Variants in WSCD1 observed in about 807,000 individuals in gnomAD.
WSCD1 encodes sialate:O-sulfotransferase 1.
WSCD1 carries 41 observed loss-of-function variants against 60.4 expected under a neutral mutation model. The observed-to-expected ratio is 0.68, with a 90% confidence interval of 0.53 to 0.88. WSCD1 has a LOEUF of 0.88. Ranked by LOEUF, WSCD1 falls within the 40% of genes least tolerant of loss-of-function variation. The pLI is 0.00. For missense variants in WSCD1, 784 were observed against 796.2 expected, an observed-to-expected ratio of 0.98 and a Z score of 0.18; for synonymous variants, 361 against 332.5, an observed-to-expected ratio of 1.09 and a Z score of -0.93.
intron 5 of WSCD1, among the ~76,000 whole-genome samples, chr17:6,104,612 T>G (rs1840943253): frequency 1.3e-5 from 2 of 152,202 alleles, no homozygotes; most frequent in Non-Finnish European, 2.9e-5. Context: ...TTGTCCCCAG[T>G]CCTTGAAGTC....
chr17:6,109,913 T>G, intron 6 of WSCD1, 147 bp downstream of exon 6: 1 of 1,126,294 alleles, frequency 8.9e-7, no homozygotes, highest in Non-Finnish European at 1.2e-6. Context: ...TTGATGGGTG[T>G]TGGAGATAAT....
At chr17:6,098,316 G>T (rs915722027) in intron 5 of WSCD1, among the ~76,000 whole-genome samples, 1 of 152,152 alleles carries the variant, frequency 6.6e-6, no homozygotes, top group Admixed American at 6.5e-5. Flanking sequence ...GAATTTAAAG[G>T]CTTATAACTC....
chr17:6,093,686 A>G (rs1910200652), intron 4 of WSCD1, among the ~76,000 whole-genome samples: 1 of 152,200 alleles, frequency 6.6e-6, no homozygotes, highest in South Asian at 2.1e-4. Flanking sequence ...GGGCAGACAC[A>G]CGGTGGTGGG....
At chr17:6,083,283 G>C (rs1032093886) in intron 2 of WSCD1, among the ~76,000 whole-genome samples, 4 of 152,204 alleles carry the variant, frequency 2.6e-5, no homozygotes, top group African/African-American at 9.7e-5. Context: ...AGTGGGCTCA[G>C]TTCCTCTCTT....
At chr17:6,097,177 G>A (rs538154114) in intron 5 of WSCD1, among the ~76,000 whole-genome samples, 53 of 152,376 alleles carry the variant, frequency 3.5e-4, no homozygotes, top group African/African-American at 1.2e-3. Flanking sequence ...ACACACTGCT[G>A]CCATTCGGCG....
chr17:6,101,851 C>T lies in WSCD1; in HGVS notation c.849+6628C>T, dbSNP rs1414134206. On this transcript the variant is annotated intron_variant, in intron 5 of 8. Coordinates refer to ENST00000317744, the MANE Select transcript of WSCD1 (RefSeq NM_015253.2). This position sits in a 1 kb window ranked among gnomAD's most constrained non-coding sequence, Gnocchi z 4.1. ...TCAGATCTGGGGTAATTAGTTTTGT[C>T]GCCTGATATTTGTGCTCAAGTAGAT... Among the ~76,000 whole-genome samples, 4 of 152,112 alleles carry T rather than the reference C, an allele frequency of 2.6e-5. No individual in the cohort carries two copies. The highest frequency in any genetic ancestry group is 2.1e-4 in the South Asian group (1 of 4,826).
intron 1 of WSCD1, among the ~76,000 whole-genome samples, chr17:6,078,581 CGT>C (rs1909020370): frequency 6.7e-6 from 1 of 150,240 alleles, no homozygotes; most frequent in Non-Finnish European, 1.5e-5. Flanking sequence ...TGTGTGTGTG[CGT>C]GTGTGTGCGT....
chr17:6,109,909 G>A (rs2150565400), intron 6 of WSCD1, 143 bp downstream of exon 6: 1 of 1,163,566 alleles, frequency 8.6e-7, no homozygotes, highest in East Asian at 2.5e-5. Flanking sequence ...CATCTTGATG[G>A]GTGTTGGAGA....
chr17:6,097,695 G>C (rs1214537391), intron 5 of WSCD1, among the ~76,000 whole-genome samples: 2 of 152,190 alleles, frequency 1.3e-5, no homozygotes, highest in Non-Finnish European at 2.9e-5. Flanking sequence ...GAGTGAATCT[G>C]TAAGAAAAAT....
In WSCD1 at chr17:6,108,797, A is replaced by G. The variant is rs114787331; in HGVS notation, c.850-810A>G. ...CTTCAGTGTGTGGTGCAGCCTCCCC[A>G]AAGGGGAACAAGGACCCACTTAAGA... is the stretch of plus-strand genomic sequence containing the variant. On this transcript the variant is annotated intron_variant, in intron 5 of 8. Transcript: ENST00000317744. Among the ~76,000 whole-genome samples the G allele has an allele frequency of 9.3e-3, 1,415 of 152,308 alleles. 23 individuals are homozygous for G. Among genetic ancestry groups the G allele is most frequent in the African/African-American group, 0.032 (1,313 of 41,568 alleles).
intron 5 of WSCD1, among the ~76,000 whole-genome samples, chr17:6,109,283 C>T (rs541439813): frequency 6.6e-6 from 1 of 152,274 alleles, no homozygotes; most frequent in African/African-American, 2.4e-5. Flanking sequence ...ATGATTCCAG[C>T]CTCTGCCCCC....
Position 6,087,018 on chromosome 17 carries a change from C to T in WSCD1, c.428-972C>T, listed in dbSNP as rs777153611. On this transcript the variant is annotated intron_variant, in intron 2 of 8. Coordinates refer to ENST00000317744, the MANE Select transcript of WSCD1 (RefSeq NM_015253.2). ...CGGAACGCGGCCCTTCCTGGGGAGACGTGCAGCGTGTTTATCACAGGTGCC... is the reference window on the plus strand; with the variant it reads ...CGGAACGCGGCCCTTCCTGGGGAGATGTGCAGCGTGTTTATCACAGGTGCC... 1.8e-4 allele frequency among the ~76,000 whole-genome samples: 28 copies of T among 152,278 alleles called. No individual in the cohort carries two copies. The East Asian group carries it at 1.9e-3, about 10-fold the overall frequency.
At chr17:6,100,949 A>G (rs185362177) in intron 5 of WSCD1, among the ~76,000 whole-genome samples, 1 of 152,284 alleles carries the variant, frequency 6.6e-6, no homozygotes, top group Non-Finnish European at 1.5e-5. Context: ...TCCCTCTAGT[A>G]TTGAGGTCTG....
chr17:6,098,398 G>C (rs1473653800), intron 5 of WSCD1, among the ~76,000 whole-genome samples: 1 of 152,206 alleles, frequency 6.6e-6, no homozygotes, highest in Non-Finnish European at 1.5e-5. Context: ...TCACACTGGA[G>C]CATGTGCCAG....
rs1030225333 is a variant in WSCD1, at chr17:6,075,469, C to G, written c.-289+4817C>G. Among the ~76,000 whole-genome samples, 2 of 152,130 alleles carry G rather than the reference C, an allele frequency of 1.3e-5. No individual in the cohort carries two copies. Among genetic ancestry groups the G allele is most frequent in the African/African-American group, 2.4e-5 (1 of 41,410 alleles). On this transcript the variant is annotated intron_variant, in intron 1 of 8. Transcript: ENST00000317744. This position sits in a 1 kb window ranked among gnomAD's most constrained non-coding sequence, Gnocchi z 4.1. Reference sequence around the variant, plus strand: ...GCTGAGAAGTGGCCACCTGACCAGCCCAAGCCACCCATCATTCAGGCTGGG... The same window carrying G: ...GCTGAGAAGTGGCCACCTGACCAGCGCAAGCCACCCATCATTCAGGCTGGG...
At position 6,118,528 on chromosome 17, in the gene WSCD1, G is replaced by A. The variant is rs551629003; in HGVS notation, c.1375+340G>A. Among the ~76,000 whole-genome samples the A allele has an allele frequency of 2.0e-5, 3 of 152,316 alleles. No individual in the cohort carries two copies. The highest frequency in any genetic ancestry group is 6.5e-5 in the Admixed American group (1 of 15,298). On this transcript the variant is annotated intron_variant, in intron 8 of 8. Transcript: ENST00000317744. This position sits in a 1 kb window ranked among gnomAD's most constrained non-coding sequence, Gnocchi z 5.8. Reference sequence around the variant, plus strand: ...GCTTCTGCCCAGGAGCTCATGCAGGGCTGGGAGAAGAGCACATGGGGTGCA... The same window carrying A: ...GCTTCTGCCCAGGAGCTCATGCAGGACTGGGAGAAGAGCACATGGGGTGCA...
At chr17:6,092,099 A>G (rs1597358601) in intron 4 of WSCD1, among the ~76,000 whole-genome samples, 1 of 148,538 alleles carries the variant, frequency 6.7e-6, no homozygotes, top group African/African-American at 2.5e-5. Flanking sequence ...GGTTGCAGTG[A>G]GCCAAAATCA....
chr17:6,106,725 A>G (rs527813269), intron 5 of WSCD1, among the ~76,000 whole-genome samples: 2 of 152,122 alleles, frequency 1.3e-5, no homozygotes, highest in African/African-American at 4.8e-5. Flanking sequence ...AAAACTGTAA[A>G]GCATGGTGAG....
intron 1 of WSCD1, among the ~76,000 whole-genome samples, chr17:6,076,821 G>A (rs894887557): frequency 1.3e-5 from 2 of 152,266 alleles, no homozygotes; most frequent in East Asian, 1.9e-4. Flanking sequence ...GACTTACCTC[G>A]TGGCTTGGCT....
Sources: gnomAD v4.1 joint callset for allele counts (sites outside exome capture counted in the v4.1 genomes callset) on GRCh38, gnomAD v4.1.1 for gene constraint, Gnocchi (gnomAD v3.1) non-coding constraint, MANE v1.5 for transcripts, NCBI Gene and HGNC (gene_info 2026-07-23, HGNC 2026-07-21) for gene names.